Variants in EXOC4 observed in about 807,000 individuals in gnomAD.
The protein encoded by EXOC4 is SEC8-like 1.
In EXOC4, 71 loss-of-function variants were observed where a neutral mutation model predicts 107.2. The observed-to-expected ratio is 0.66, with a 90% CI of 0.55 to 0.81. EXOC4 has a LOEUF of 0.81. Among genes scored for constraint, EXOC4 ranks in the 30% least tolerant of loss-of-function variants. The pLI, the probability that EXOC4 is intolerant of heterozygous loss-of-function variation, is 0.00. For missense variants in EXOC4, 1,108 were observed against 1,189.6 expected (o/e 0.93, Z 1.01); for synonymous variants, 456 against 441.2 (o/e 1.03, Z -0.42).
chr7:134,061,936 A>G (rs1796069495), intron 17 of EXOC4, among the ~76,000 whole-genome samples: 1 of 152,210 alleles, frequency 6.6e-6, no homozygotes, highest in Admixed American at 6.5e-5. Context: ...GTTTTATGCT[A>G]AACATGAAAC....
intron 10 of EXOC4, among the ~76,000 whole-genome samples, chr7:133,792,522 C>T (rs1443774236): frequency 1.4e-5 from 2 of 141,926 alleles, no homozygotes; most frequent in Non-Finnish European, 3.0e-5. Context: ...CACTGCACTC[C>T]AGCCTGGGTA....
intron 7 of EXOC4, among the ~76,000 whole-genome samples, chr7:133,421,442 T>C (rs979509983): frequency 6.6e-6 from 1 of 152,142 alleles, no homozygotes; most frequent in Non-Finnish European, 1.5e-5. Flanking sequence ...GAGATTAGAA[T>C]CCAAGGAAAT....
At chr7:133,740,561 A>G (rs1307655621) in intron 10 of EXOC4, among the ~76,000 whole-genome samples, 1 of 152,192 alleles carries the variant, frequency 6.6e-6, no homozygotes. Context: ...GTCTTTCATT[A>G]GATGTAATCT....
At chr7:133,786,668 C>T (rs1796575058) in intron 10 of EXOC4, among the ~76,000 whole-genome samples, 1 of 152,336 alleles carries the variant, frequency 6.6e-6, no homozygotes, top group African/African-American at 2.4e-5. Flanking sequence ...AAGGTCTGCA[C>T]TTTGTGTCAC....
At chr7:134,001,051 C>T (rs1794520464) in intron 15 of EXOC4, among the ~76,000 whole-genome samples, 1 of 152,078 alleles carries the variant, frequency 6.6e-6, no homozygotes, top group Non-Finnish European at 1.5e-5. Context: ...CATTGTAGGT[C>T]ACATTTTAAC....
intron 7 of EXOC4, among the ~76,000 whole-genome samples, chr7:133,398,823 T>G (rs964496619): frequency 2.6e-5 from 4 of 152,198 alleles, no homozygotes; most frequent in Non-Finnish European, 4.4e-5. Flanking sequence ...GTGGAAATAT[T>G]TACATGTATT....
chr7:134,014,344 A>G (rs1327926563), intron 17 of EXOC4, among the ~76,000 whole-genome samples: 1 of 152,210 alleles, frequency 6.6e-6, no homozygotes, highest in African/African-American at 2.4e-5. Flanking sequence ...CAGAGCTTGC[A>G]GTCAGCCGAG....
At chr7:133,844,889 T>TA (rs892710474) in intron 11 of EXOC4, among the ~76,000 whole-genome samples, 6 of 152,096 alleles carry the variant, frequency 3.9e-5, no homozygotes, top group African/African-American at 1.4e-4. Flanking sequence ...AAACATGACC[T>TA]AAAAAAACCC....
At chr7:133,451,710 TCA>T (rs1798352116) in intron 7 of EXOC4, among the ~76,000 whole-genome samples, 1 of 152,186 alleles carries the variant, frequency 6.6e-6, no homozygotes, top group Non-Finnish European at 1.5e-5. Context: ...CACCCATAGT[TCA>T]CCCAGCTGAA....
At chr7:134,024,403 A>T (rs1219317223) in intron 17 of EXOC4, among the ~76,000 whole-genome samples, 1 of 151,838 alleles carries the variant, frequency 6.6e-6, no homozygotes, top group Non-Finnish European at 1.5e-5. Context: ...GTGAGCCGAG[A>T]TCGCGCCACT....
intron 11 of EXOC4, among the ~76,000 whole-genome samples, chr7:133,820,213 A>C (rs979334336): frequency 4.1e-5 from 6 of 148,114 alleles, no homozygotes; most frequent in Non-Finnish European, 5.9e-5. Flanking sequence ...TCATTAAAAA[A>C]ATTTATTTTA....
chr7:133,705,986 C>A (rs1047587072), intron 10 of EXOC4, among the ~76,000 whole-genome samples: 1 of 152,324 alleles, frequency 6.6e-6, no homozygotes, highest in South Asian at 2.1e-4. Flanking sequence ...GTTTATTAAA[C>A]TTCGTTTCTA....
At position 133,971,361 on chromosome 7, in the gene EXOC4, TAGAGAGAGAG is replaced by T. The variant is rs1186165891; in HGVS notation, c.2207-26099_2207-26090del. Among the ~76,000 whole-genome samples the T allele has an allele frequency of 1.3e-3, 96 of 75,064 alleles. 1 individual carries two copies. Among genetic ancestry groups the T allele is most frequent in the Middle Eastern group, 0.014 (2 of 140 alleles). 49.2% of individuals were successfully genotyped at this position (75,064 alleles called of 152,430 possible). A position where few individuals can be genotyped will look rare whatever the true frequency, so the allele number is the denominator to read the frequency against. On this transcript the variant is annotated intron_variant, in intron 14 of 17. Transcript: ENST00000253861. ...ATATATATATATATATATATATATATAGAGAGAGAGAGAGAGAGAGAGAGAGAGAGAGAGA... is the reference window on the plus strand; with the variant it reads ...ATATATATATATATATATATATATATAGAGAGAGAGAGAGAGAGAGAGAGA...
intron 12 of EXOC4, 41 bp downstream of exon 12, chr7:133,895,776 C>G (rs1019760331): frequency 6.3e-7 from 1 of 1,587,154 alleles, no homozygotes. Flanking sequence ...AACGTTTGAG[C>G]CTGATGGTGG....
chr7:133,978,346 C>T (rs554731925), intron 14 of EXOC4, among the ~76,000 whole-genome samples: 2 of 152,322 alleles, frequency 1.3e-5, no homozygotes, highest in East Asian at 1.9e-4. Context: ...CTCTGCAGGG[C>T]ACTTTCCAAA....
At chr7:133,433,556 A>G (rs1190560298) in intron 7 of EXOC4, among the ~76,000 whole-genome samples, 1 of 152,230 alleles carries the variant, frequency 6.6e-6, no homozygotes, top group Non-Finnish European at 1.5e-5. Context: ...ATGAGCATAT[A>G]TGTGAGCAAG....
At chr7:133,515,999 T>G (rs1043204347) in intron 9 of EXOC4, among the ~76,000 whole-genome samples, 1 of 152,216 alleles carries the variant, frequency 6.6e-6, no homozygotes, top group South Asian at 2.1e-4. Context: ...ATTGACTTAT[T>G]ATCTGTGTAT....
At chr7:133,449,117 A>C (rs1302750640) in intron 7 of EXOC4, among the ~76,000 whole-genome samples, 1 of 152,142 alleles carries the variant, frequency 6.6e-6, no homozygotes, top group Non-Finnish European at 1.5e-5. Flanking sequence ...AAAATAAATA[A>C]ATAAATAAAA....
rs376622619 is a variant in EXOC4, at chr7:133,311,027, A to G, written c.656+4966A>G. Among the ~76,000 whole-genome samples, 8 of 152,338 alleles carry G rather than the reference A, an allele frequency of 5.3e-5. No individual in the cohort carries two copies. In the East Asian group the frequency reaches 1.5e-3, roughly 29 times the overall value. ...AAGTAGAAGATAGGCAGTAGAATTGACAAATGAAAGAAAGGTACATGCTCA... is the reference window on the plus strand; with the variant it reads ...AAGTAGAAGATAGGCAGTAGAATTGGCAAATGAAAGAAAGGTACATGCTCA... On this transcript the variant is annotated intron_variant, in intron 4 of 17. Coordinates refer to ENST00000253861, the MANE Select transcript of EXOC4 (RefSeq NM_021807.4).
Sources: gnomAD v4.1 joint callset for allele counts (sites outside exome capture counted in the v4.1 genomes callset) on GRCh38, gnomAD v4.1.1 for gene constraint, MANE v1.5 for transcripts, NCBI Gene and HGNC (gene_info 2026-07-23, HGNC 2026-07-21) for gene names.